Variants in NBEA observed in about 807,000 individuals in gnomAD.
NBEA encodes lysosomal-trafficking regulator 2.
A neutral mutation model predicts 343.4 loss-of-function variants in NBEA; 44 were observed. The observed-to-expected ratio is 0.13, with a 90% CI of 0.10 to 0.16. The LOEUF is 0.16. NBEA is among the 10% of genes least tolerant of loss of function. NBEA has a pLI of 1.00. For missense variants in NBEA, 2,555 were observed against 3,631.3 expected, an observed-to-expected ratio of 0.70 and a Z score of 7.62; for synonymous variants, 1,175 against 1,238.7, an observed-to-expected ratio of 0.95 and a Z score of 1.08.
chr13:34,949,518 G>A (rs2059287690), intron 1 of NBEA, among the ~76,000 whole-genome samples: 1 of 152,178 alleles, frequency 6.6e-6, no homozygotes, highest in Non-Finnish European at 1.5e-5. Context: ...AGGCTAATAA[G>A]TGAGATCTTC....
At chr13:35,343,179 G>A (rs2039681116) in intron 36 of NBEA, among the ~76,000 whole-genome samples, 2 of 152,076 alleles carry the variant, frequency 1.3e-5, no homozygotes, top group African/African-American at 4.8e-5. Flanking sequence ...AGGAAGAGCT[G>A]AATTTTCTTA....
intron 6 of NBEA, among the ~76,000 whole-genome samples, chr13:35,053,260 T>A (rs1449425947): frequency 1.3e-5 from 2 of 152,160 alleles, no homozygotes; most frequent in Non-Finnish European, 2.9e-5. Context: ...GTTTACAATC[T>A]GGTCTTTGCC....
intron 41 of NBEA, among the ~76,000 whole-genome samples, chr13:35,535,396 C>T (rs1367234652): frequency 2.0e-5 from 3 of 152,152 alleles, no homozygotes; most frequent in African/African-American, 7.2e-5. Flanking sequence ...TAAATAAGAA[C>T]AAATTCCAGG....
intron 39 of NBEA, among the ~76,000 whole-genome samples, chr13:35,443,642 TAGAA>T (rs1464288964): frequency 1.6e-4 from 25 of 151,986 alleles, no homozygotes; most frequent in Admixed American, 1.6e-3. Context: ...GAACAACAAA[TAGAA>T]AGTCTATTTC....
At chr13:35,038,913 G>A (rs1328701866) in intron 1 of NBEA, among the ~76,000 whole-genome samples, 1 of 151,974 alleles carries the variant, frequency 6.6e-6, no homozygotes, top group Non-Finnish European at 1.5e-5. Context: ...ACTGTGTTTG[G>A]GCCTAGTTCA....
intron 1 of NBEA, among the ~76,000 whole-genome samples, chr13:34,959,576 T>C (rs551459917): frequency 1.3e-5 from 2 of 152,260 alleles, no homozygotes; most frequent in East Asian, 3.9e-4. Context: ...GACATACTTA[T>C]TTTAGGAGTC....
chr13:35,168,995 G>C lies in NBEA; in HGVS notation c.4242G>C (p.Lys1414Asn), dbSNP rs1326175450. The change falls in exon 25 of 59, where the codon AAG (lysine) becomes AAC (asparagine). Residue 1414 changes from lysine to asparagine, a missense_variant and splice_region_variant. By Grantham distance (94) the Lys-to-Asn change is moderately conservative. This residue lies in a region of NBEA where 168 missense variants were observed against 193.0 expected (regional missense o/e 0.87). Transcript: ENST00000379939. ...GTCTAATGCATGTCCAGGGTTCTAA[G>C]GTTAGTATTACTTTTGTAGTAATTT... ...LSAATSPTGS[K>N]TELENIEVTQ... is the part of the protein sequence containing the mutation. The C allele has an allele frequency of 2.0e-6, 3 of 1,499,374 alleles. No homozygotes were observed. Among genetic ancestry groups the C allele is most frequent in the Non-Finnish European group, 2.7e-6 (3 of 1,127,592 alleles). 92.9% of individuals were successfully genotyped at this position (1,499,374 alleles called of 1,614,324 possible). A position where few individuals can be genotyped will look rare whatever the true frequency, so the allele number is the denominator to read the frequency against.
intron 34 of NBEA, among the ~76,000 whole-genome samples, chr13:35,270,517 G>A (rs2034047482): frequency 6.6e-6 from 1 of 152,186 alleles, no homozygotes; most frequent in African/African-American, 2.4e-5. Flanking sequence ...GCTGAACCAG[G>A]GCAGGGTGTC....
intron 1 of NBEA, among the ~76,000 whole-genome samples, chr13:35,009,084 T>C (rs1366069266): frequency 6.6e-6 from 1 of 152,214 alleles, no homozygotes; most frequent in Non-Finnish European, 1.5e-5. Flanking sequence ...TTTTATGTTT[T>C]ATCCATCTTT....
At chr13:34,954,985 G>A (rs1183169475) in intron 1 of NBEA, among the ~76,000 whole-genome samples, 1 of 152,128 alleles carries the variant, frequency 6.6e-6, no homozygotes, top group Non-Finnish European at 1.5e-5. Flanking sequence ...ATTTGAGACT[G>A]GTAAGGAGTC....
intron 10 of NBEA, among the ~76,000 whole-genome samples, chr13:35,079,690 A>G (rs1052690198): frequency 6.6e-6 from 1 of 152,194 alleles, no homozygotes; most frequent in Non-Finnish European, 1.5e-5. Context: ...GAAAGCACAT[A>G]TTCCTCATTT....
intron 27 of NBEA, among the ~76,000 whole-genome samples, chr13:35,174,522 G>A (rs191995971): frequency 1.2e-4 from 18 of 152,212 alleles, no homozygotes; most frequent in African/African-American, 4.1e-4. Context: ...TTAAACTTCT[G>A]CAGATGGCAA....
At chr13:35,195,617 G>T (rs1290121118) in intron 30 of NBEA, among the ~76,000 whole-genome samples, 2 of 151,776 alleles carry the variant, frequency 1.3e-5, no homozygotes, top group Non-Finnish European at 2.9e-5. Context: ...GGCTGGTCTC[G>T]AACTCCTGAC....
At chr13:35,526,982 G>A (rs898466427) in intron 41 of NBEA, among the ~76,000 whole-genome samples, 1 of 152,036 alleles carries the variant, frequency 6.6e-6, no homozygotes, top group Non-Finnish European at 1.5e-5. Flanking sequence ...GGCTCAGGGA[G>A]CCCCTAGGTC....
chr13:35,414,862 T>A (rs1401622232), intron 38 of NBEA, among the ~76,000 whole-genome samples: 2 of 152,204 alleles, frequency 1.3e-5, no homozygotes, highest in East Asian at 3.9e-4. Flanking sequence ...GTAAAAGTGT[T>A]CCTATTTCTC....
chr13:35,155,928 C>A, intron 19 of NBEA, 73 bp downstream of exon 19: 1 of 1,514,840 alleles, frequency 6.6e-7, no homozygotes, highest in East Asian at 2.3e-5. Flanking sequence ...CAAAACTTTT[C>A]CTAACCCCTT....
chr13:34,947,259 G>T (rs1042213677), intron 1 of NBEA, among the ~76,000 whole-genome samples: 3 of 152,056 alleles, frequency 2.0e-5, no homozygotes, highest in African/African-American at 7.2e-5. Flanking sequence ...CACTAAGGCA[G>T]CAAATATTCT....
chr13:35,306,006 A>G (rs898093055), intron 35 of NBEA, among the ~76,000 whole-genome samples: 2 of 152,166 alleles, frequency 1.3e-5, no homozygotes, highest in Admixed American at 6.6e-5. Flanking sequence ...ACTTAAAGTT[A>G]CTTTAAATTC....
chr13:35,418,355 T>G (rs150020394), intron 38 of NBEA, among the ~76,000 whole-genome samples: 3 of 152,180 alleles, frequency 2.0e-5, no homozygotes, highest in Admixed American at 2.0e-4. Flanking sequence ...AATAACTTAT[T>G]ATGTTGAAAT....
Sources: gnomAD v4.1 joint callset for allele counts (sites outside exome capture counted in the v4.1 genomes callset) on GRCh38, gnomAD v4.1.1 for gene constraint, gnomAD v4.1.1 regional missense constraint, MANE v1.5 for transcripts, NCBI Gene and HGNC (gene_info 2026-07-23, HGNC 2026-07-21) for gene names.